HELZ: variants seen among roughly 807,000 people sequenced by gnomAD.
HELZ encodes helicase with zinc finger.
In HELZ, 23 loss-of-function variants were observed where a neutral mutation model predicts 218.2. That is an observed-to-expected ratio of 0.11 (90% CI 0.08 to 0.15). The LOEUF (loss-of-function observed/expected upper bound fraction) is 0.15. HELZ is among the 10% of genes least tolerant of loss of function. HELZ has a pLI of 1.00. For synonymous variants in HELZ, 814 were observed against 829.4 expected (o/e 0.98, Z 0.32); for missense variants, 1,813 against 2,353.7 (o/e 0.77, Z 4.75).
At chr17:67,185,872 G>A (rs929685583) in intron 12 of HELZ, among the ~76,000 whole-genome samples, 3 of 152,108 alleles carry the variant, frequency 2.0e-5, no homozygotes, top group Non-Finnish European at 4.4e-5. Context: ...GAAAAAAGAG[G>A]AGGATATCCT....
intron 13 of HELZ, among the ~76,000 whole-genome samples, chr17:67,171,038 T>G (rs973680524): frequency 1.5e-5 from 2 of 134,584 alleles, no homozygotes; most frequent in African/African-American, 5.7e-5. Context: ...TGATGTACAG[T>G]TTTTTTTTTT....
rs546294637 is a variant in HELZ, at chr17:67,148,105, G to A, written c.2621+464C>T. ...CAGGACCCTCAACTTGAAGCCAGCCGGTCAGAAGTAAGGCTCAGGCTTGTG... is the reference window on the plus strand; with the variant it reads ...CAGGACCCTCAACTTGAAGCCAGCCAGTCAGAAGTAAGGCTCAGGCTTGTG... On this transcript the variant is annotated intron_variant, in intron 20 of 32. Transcript: ENST00000358691. Among the ~76,000 whole-genome samples the A allele has an allele frequency of 1.6e-3, 239 of 152,298 alleles. 1 individual carries two copies. Among genetic ancestry groups the A allele is most frequent in the African/African-American group, 5.4e-3 (224 of 41,568 alleles).
chr17:67,077,616 G>A lies in HELZ; in HGVS notation c.*636C>T, dbSNP rs1355792067. On this transcript the variant is annotated 3_prime_UTR_variant, in exon 33 of 33. Transcript: ENST00000358691. The stretch of plus-strand genomic sequence containing the variant: ...AAACAGTGGCATACAAAATATGCCT[G>A]CAAAGAATGCCTTTAACTCTATCCT... 6.6e-6 allele frequency: 1 copy of A among 150,524 alleles called. No homozygotes were observed. The highest frequency in any genetic ancestry group is 6.7e-5 in the Admixed American group (1 of 15,024). 9.3% of individuals were successfully genotyped at this position (150,524 alleles called of 1,614,324 possible).
intron 2 of HELZ, among the ~76,000 whole-genome samples, chr17:67,242,974 G>A (rs1567923627): frequency 6.6e-6 from 1 of 151,008 alleles, no homozygotes; most frequent in East Asian, 1.9e-4. Context: ...GTAACCAATC[G>A]ACCACAATTA....
chr17:67,208,341 C>A (rs565074927), intron 5 of HELZ, among the ~76,000 whole-genome samples: 1 of 152,094 alleles, frequency 6.6e-6, no homozygotes, highest in Non-Finnish European at 1.5e-5. Context: ...TAATTGTATT[C>A]GTGGTTAAAT....
At chr17:67,216,220 A>ATTCT (rs1185761198) in intron 4 of HELZ, among the ~76,000 whole-genome samples, 1 of 152,136 alleles carries the variant, frequency 6.6e-6, no homozygotes, top group Non-Finnish European at 1.5e-5. Flanking sequence ...TTACTGAGAA[A>ATTCT]ACTGAAGCCA....
chr17:67,096,896 C>T (rs181627368), intron 31 of HELZ, among the ~76,000 whole-genome samples: 1 of 152,334 alleles, frequency 6.6e-6, no homozygotes, highest in African/African-American at 2.4e-5. Flanking sequence ...TTTTCCTTTG[C>T]ATTCCCAGCT....
At chr17:67,231,913 C>CGTGGT (rs2041046808) in intron 3 of HELZ, among the ~76,000 whole-genome samples, 1 of 151,002 alleles carries the variant, frequency 6.6e-6, no homozygotes, top group Non-Finnish European at 1.5e-5. Flanking sequence ...CTTAACCAGG[C>CGTGGT]GTGGTGGCAG....
chr17:67,245,496 C>G (rs921668499), upstream of HELZ: 43 of 985,610 alleles, frequency 4.4e-5, no homozygotes, highest in Middle Eastern at 5.2e-4. Flanking sequence ...GCAGACGCCC[C>G]GCGTCTGCAT....
At chr17:67,195,717 C>G (rs2040004737) in intron 7 of HELZ, among the ~76,000 whole-genome samples, 1 of 151,982 alleles carries the variant, frequency 6.6e-6, no homozygotes, top group Admixed American at 6.6e-5. Context: ...TAGCTGGCAG[C>G]AGAAGAGAAG....
At chr17:67,227,195 C>G (rs1321781639) in intron 3 of HELZ, among the ~76,000 whole-genome samples, 1 of 140,550 alleles carries the variant, frequency 7.1e-6, no homozygotes, top group Non-Finnish European at 1.6e-5. Context: ...TCACATTTGA[C>G]TTTTTTTTTT....
At chr17:67,092,822 G>A (rs561352133) in intron 31 of HELZ, among the ~76,000 whole-genome samples, 8 of 152,094 alleles carry the variant, frequency 5.3e-5, no homozygotes, top group Admixed American at 2.0e-4. Flanking sequence ...AGAATTAGCC[G>A]GGAGTGGTGG....
rs1418853708 is a variant in HELZ at position 67,188,528 on chromosome 17, G to C, written c.953C>G (p.Thr318Ser). ...TGGGACTTCTTGTGATACCTGGGTAGTACTATCTCCGGCAGATATTGCAAT... is the reference window on the plus strand; with the variant it reads ...TGGGACTTCTTGTGATACCTGGGTACTACTATCTCCGGCAGATATTGCAAT... Reference protein sequence around the residue: ...SIIAISAGDSTTQVSQEVPEN... With the variant: ...SIIAISAGDSSTQVSQEVPEN... Residue 318 changes from threonine (T) to serine (S), a missense_variant, in exon 12 of 33, where the codon ACT becomes AGT. Physicochemically the swap from Thr to Ser is moderately conservative, Grantham distance 58. Transcript: ENST00000358691. The surrounding 1 kb of genome is among the most constrained non-coding windows in gnomAD (Gnocchi z 4.1). The C allele has an allele frequency of 6.2e-7, 1 of 1,613,632 alleles. No homozygotes were observed. Among genetic ancestry groups the C allele is most frequent in the Admixed American group, 1.7e-5 (1 of 60,012 alleles).
chr17:67,149,222 G>A (rs1167091326), intron 19 of HELZ, among the ~76,000 whole-genome samples: 1 of 151,962 alleles, frequency 6.6e-6, no homozygotes, highest in East Asian at 1.9e-4. Context: ...ACTACTTTAG[G>A]CAAAGAAATG....
At chr17:67,126,868 A>C (rs368459863) in intron 24 of HELZ, among the ~76,000 whole-genome samples, 21 of 151,632 alleles carry the variant, frequency 1.4e-4, no homozygotes, top group African/African-American at 5.1e-4. Context: ...TCAAAAAATA[A>C]TAATAGTAAT....
In HELZ at chr17:67,109,357, A is replaced by T. The variant is rs1392675512; in HGVS notation, c.4248T>A (p.Pro1416=). The part of the protein sequence containing the change: ...SQLNQQPQQP[P]PQLSPAYQAG... ...CCTGATATGCAGGAGAAAGCTGAGG[A>T]GGTGGCTGCTGAGGCTGCTGATTCA... The change falls in exon 29 of 33, where the codon CCT becomes CCA. Residue 1416 remains proline, a synonymous_variant. Coordinates refer to ENST00000358691, the MANE Select transcript of HELZ (RefSeq NM_014877.4). 1.9e-6 allele frequency: 3 copies of T among 1,614,142 alleles called. No individual in the cohort carries two copies. The highest frequency in any genetic ancestry group is 2.5e-6 in the Non-Finnish European group (3 of 1,180,024).
intron 29 of HELZ, 56 bp downstream of exon 29, chr17:67,109,040 CCCAAAATGATATTATACAGT>C (rs2143751101): frequency 8.2e-7 from 1 of 1,225,694 alleles, no homozygotes; most frequent in South Asian, 1.5e-5. Context: ...TCAATCTTAA[CCCAAAATGATATTATACAGT>C]CCAAGTCATG....
At chr17:67,234,427 C>T (rs1313465979) in intron 3 of HELZ, among the ~76,000 whole-genome samples, 1 of 152,072 alleles carries the variant, frequency 6.6e-6, no homozygotes, top group Non-Finnish European at 1.5e-5. Context: ...GAATCCTTTC[C>T]ATGGCCACCA....
At chr17:67,091,256 T>C (rs1004617905) in intron 31 of HELZ, among the ~76,000 whole-genome samples, 3 of 152,048 alleles carry the variant, frequency 2.0e-5, no homozygotes, top group South Asian at 4.1e-4. Context: ...ATAATAATAT[T>C]CAAAGTGAAA....
Sources: allele counts gnomAD v4.1 joint callset (sites outside exome capture counted in the v4.1 genomes callset), GRCh38; gene constraint gnomAD v4.1.1; non-coding constraint Gnocchi (gnomAD v3.1); transcripts MANE v1.5; gene names NCBI Gene and HGNC (gene_info 2026-07-23, HGNC 2026-07-21).